Variants in C1orf50 observed in about 807,000 individuals in gnomAD.
The protein encoded by C1orf50 is uncharacterized protein C1orf50.
Under a neutral mutation model 23.3 loss-of-function variants are expected in C1orf50, and 22 were observed. The observed-to-expected ratio is 0.94, with a 90% CI of 0.67 to 1.35. The LOEUF (loss-of-function observed/expected upper bound fraction) is 1.35. Ranked by LOEUF, C1orf50 falls within the 40% of genes most tolerant of loss-of-function variation. The pLI is 0.00. For synonymous variants in C1orf50, 96 were observed against 102.4 expected (o/e 0.94, Z 0.38); for missense variants, 271 against 249.4 (o/e 1.09, Z -0.58).
At position 42,775,773 on chromosome 1, in the gene C1orf50, T is replaced by TATA. The variant is rs1653326623; in HGVS notation, c.*380_*382dup. 1 of 146,658 alleles carries TATA rather than the reference T, an allele frequency of 6.8e-6. No individual in the cohort carries two copies. Among genetic ancestry groups the TATA allele is most frequent in the South Asian group, 2.2e-4 (1 of 4,612 alleles). 9.1% of individuals were successfully genotyped at this position (146,658 alleles called of 1,614,324 possible). A position where few individuals can be genotyped will look rare whatever the true frequency, so the allele number is the denominator to read the frequency against. ...CTGTTTTCAGTCTTTTATATATATA[T>TATA]ATATATATATATAACTGGTAGTATT... On this transcript the variant is annotated 3_prime_UTR_variant, in exon 5 of 5. Coordinates refer to ENST00000372525, the MANE Select transcript of C1orf50 (RefSeq NM_024097.4).
intron 2 of C1orf50, among the ~76,000 whole-genome samples, chr1:42,770,391 C>T (rs1653190291): frequency 1.3e-5 from 2 of 151,850 alleles, no homozygotes; most frequent in South Asian, 2.1e-4. Flanking sequence ...TCTAGAAATA[C>T]CTACTCTCTC....
intron 2 of C1orf50, among the ~76,000 whole-genome samples, chr1:42,772,546 C>T (rs1300278082): frequency 1.3e-5 from 2 of 152,014 alleles, no homozygotes; most frequent in Admixed American, 6.6e-5. Flanking sequence ...TTTGGGAGGC[C>T]GAGGTGGGCG....
intron 2 of C1orf50, among the ~76,000 whole-genome samples, chr1:42,772,408 A>G (rs553338153): frequency 3.3e-5 from 5 of 152,152 alleles, no homozygotes; most frequent in Non-Finnish European, 5.9e-5. Flanking sequence ...ACAGAATTCT[A>G]TTGCCTGAGT....
intron 2 of C1orf50, among the ~76,000 whole-genome samples, chr1:42,770,659 CG>C (rs1270481299): frequency 2.6e-5 from 4 of 152,092 alleles, no homozygotes; most frequent in Non-Finnish European, 5.9e-5. Context: ...CTCAAACGCC[CG>C]ACCTCAGGTG....
In C1orf50 at chr1:42,775,326, A is replaced by G. The variant is rs1653312995; in HGVS notation, c.532A>G (p.Thr178Ala). ...AGATGCTAAAATCAGCATGATGGAC[A>G]CGTTGCTAAGCCAGTCAGTGGCCCT... The part of the protein sequence containing the change: ...KQDAKISMMD[T>A]LLSQSVALPP... The change falls in exon 5 of 5, where the codon ACG becomes GCG. Residue 178 changes from threonine (T) to alanine (A), a missense_variant. Transcript: ENST00000372525. 3.1e-6 allele frequency: 5 copies of G among 1,612,958 alleles called. No individual in the cohort carries two copies. In the Admixed American group the frequency reaches 5.0e-5, roughly 16 times the overall value.
At chr1:42,767,458 G>T in intron 1 of C1orf50, 51 bp from the exon 2 acceptor site, 1 of 1,554,732 alleles carries the variant, frequency 6.4e-7, no homozygotes, top group Non-Finnish European at 8.7e-7. Flanking sequence ...GGGCTCCGCG[G>T]GAGGCCGACG....
Position 42,776,686 on chromosome 1 carries a change from G to A in C1orf50, c.*1292G>A, listed in dbSNP as rs1377234226. On this transcript the variant is annotated 3_prime_UTR_variant, in exon 5 of 5. Transcript: ENST00000372525. The stretch of plus-strand genomic sequence containing the variant: ...CACTCCGATGATACTTGGTTGCTCG[G>A]TTCACATGGGAATGCTCTTTGGACT... The A allele has an allele frequency of 1.3e-5, 2 of 152,236 alleles. No homozygotes were observed. Among genetic ancestry groups the A allele is most frequent in the Non-Finnish European group, 2.9e-5 (2 of 68,076 alleles). The allele number at this position is 152,236 out of a possible 1,614,324, so 9.4% of individuals were successfully genotyped here. A position where few individuals can be genotyped will look rare whatever the true frequency, so the allele number is the denominator to read the frequency against.
At chr1:42,773,028 C>G (rs965621138) in intron 2 of C1orf50, among the ~76,000 whole-genome samples, 2 of 152,094 alleles carry the variant, frequency 1.3e-5, no homozygotes, top group Admixed American at 1.3e-4. Context: ...CAGAAAAACC[C>G]GAATACTTTC....
At chr1:42,773,856 C>T (rs190192198) in intron 3 of C1orf50, among the ~76,000 whole-genome samples, 2 of 152,274 alleles carry the variant, frequency 1.3e-5, no homozygotes, top group African/African-American at 2.4e-5. Flanking sequence ...GAGGTTTGCT[C>T]TTGTTGCCCA....
At chr1:42,770,513 A>C (rs1297894875) in intron 2 of C1orf50, among the ~76,000 whole-genome samples, 1 of 151,762 alleles carries the variant, frequency 6.6e-6, no homozygotes. Context: ...GCTCACAGCA[A>C]CCTCTGCCTA....
At position 42,775,264 on chromosome 1, in the gene C1orf50, A is replaced by G; in HGVS notation, c.470A>G (p.Asp157Gly). Residue 157 changes from aspartate to glycine, a missense_variant, in exon 5 of 5, where the codon GAC becomes GGC. By Grantham distance (94) the Asp-to-Gly change is moderately conservative. Transcript: ENST00000372525. ...DFLGAYKLQHDLSWTPYEDIE... is the reference protein window; with the variant it reads ...DFLGAYKLQHGLSWTPYEDIE... The stretch of plus-strand genomic sequence containing the variant: ...CTTGGTGCCTACAAACTACAGCATG[A>G]CTTGTCCTGGACTCCGTATGAGGAC... 6.2e-7 allele frequency: 1 copy of G among 1,610,658 alleles called. No individual in the cohort carries two copies. The highest frequency in any genetic ancestry group is 8.5e-7 in the Non-Finnish European group (1 of 1,177,094).
chr1:42,779,221 C>T lies in C1orf50; in HGVS notation c.*3827C>T, dbSNP rs1653401094. The T allele has an allele frequency of 6.6e-6, 1 of 151,478 alleles. No homozygotes were observed. Among genetic ancestry groups the T allele is most frequent in the Non-Finnish European group, 1.5e-5 (1 of 67,866 alleles). 9.4% of individuals were successfully genotyped at this position (151,478 alleles called of 1,614,324 possible). On this transcript the variant is annotated 3_prime_UTR_variant, in exon 5 of 5. Transcript: ENST00000372525. ...TGAAATCCTGTCTCTACTAAAAATACAAAAAATTAGCCGGGCGTGGTGGCG... is the reference window on the plus strand; with the variant it reads ...TGAAATCCTGTCTCTACTAAAAATATAAAAAATTAGCCGGGCGTGGTGGCG...
At chr1:42,773,386 A>C in intron 2 of C1orf50, 177 bp from the exon 3 acceptor site, 1 of 492,484 alleles carries the variant, frequency 2.0e-6, no homozygotes, top group South Asian at 2.2e-5. Flanking sequence ...TGGCCTTCTC[A>C]TGACAGTGCT....
rs1653376576 is a variant in C1orf50, at chr1:42,778,221, TA to T, written c.*2829del. The T allele has an allele frequency of 6.6e-6, 1 of 152,196 alleles. No individual in the cohort carries two copies. Among genetic ancestry groups the T allele is most frequent in the African/African-American group, 2.4e-5 (1 of 41,450 alleles). The allele number at this position is 152,196 out of a possible 1,614,324, so 9.4% of individuals were successfully genotyped here. A position where few individuals can be genotyped will look rare whatever the true frequency, so the allele number is the denominator to read the frequency against. ...GTTCACCTGATAATTTCATTAGTGTTAAGTGCCTTCTAGGTTCCAGGTTCTG... is the reference window on the plus strand; with the variant it reads ...GTTCACCTGATAATTTCATTAGTGTTAGTGCCTTCTAGGTTCCAGGTTCTG... On this transcript the variant is annotated 3_prime_UTR_variant, in exon 5 of 5. Coordinates refer to ENST00000372525, the MANE Select transcript of C1orf50 (RefSeq NM_024097.4).
rs1653397687 is a variant in C1orf50 at position 42,779,134 on chromosome 1, T to C, written c.*3740T>C. On this transcript the variant is annotated 3_prime_UTR_variant, in exon 5 of 5. Coordinates refer to ENST00000372525, the MANE Select transcript of C1orf50 (RefSeq NM_024097.4). Reference sequence around the variant, plus strand: ...GGCTCACGCCTGTAATCCCAGCACTTTGGGCGGCTGAGGCGGGCGGATCAC... The same window carrying C: ...GGCTCACGCCTGTAATCCCAGCACTCTGGGCGGCTGAGGCGGGCGGATCAC... 1 of 152,084 alleles carries C rather than the reference T, an allele frequency of 6.6e-6. No homozygotes were observed. Among genetic ancestry groups the C allele is most frequent in the African/African-American group, 2.4e-5 (1 of 41,408 alleles). The allele number at this position is 152,084 out of a possible 1,614,324, so 9.4% of individuals were successfully genotyped here. A position where few individuals can be genotyped will look rare whatever the true frequency, so the allele number is the denominator to read the frequency against.
At position 42,773,617 on chromosome 1, in the gene C1orf50, C is replaced by T; in HGVS notation, c.250C>T (p.Gln84Ter). The change falls in exon 3 of 5, where the codon CAA becomes TAA. Residue 84 changes from glutamine (Q) to a stop codon, truncating the protein, a stop_gained. Coordinates refer to ENST00000372525, the MANE Select transcript of C1orf50 (RefSeq NM_024097.4). LOFTEE classifies it high-confidence loss of function. ...ATNKLTVIAEQIQHLQEQARK... is the reference protein window; with the variant it reads ...ATNKLTVIAE ...CAACAAGCTGACAGTCATAGCTGAG[C>T]AAATCCAACATTTGCAAGAACAAGC... is the stretch of plus-strand genomic sequence containing the variant. 1.2e-6 allele frequency: 2 copies of T among 1,612,674 alleles called. No individual in the cohort carries two copies. The highest frequency in any genetic ancestry group is 3.3e-4 in the Middle Eastern group (2 of 6,054).
Position 42,767,604 on chromosome 1 carries a change from C to T in C1orf50, c.175C>T (p.Leu59Phe), listed in dbSNP as rs569273514. The T allele has an allele frequency of 6.2e-7, 1 of 1,611,840 alleles. No individual in the cohort carries two copies. The highest frequency in any genetic ancestry group is 2.2e-5 in the East Asian group (1 of 44,850). Residue 59 changes from leucine (L) to phenylalanine (F), a missense_variant, in exon 2 of 5, where the codon CTC (leucine) becomes TTC (phenylalanine). Physicochemically the swap from Leu to Phe is conservative, Grantham distance 22. Transcript: ENST00000372525. Reference protein sequence around the residue: ...RAGDPLDLVALAEQVQKADEF... With the variant: ...RAGDPLDLVAFAEQVQKADEF... ...CGGGGACCCCTTAGACCTCGTGGCG[C>T]TCGCAGAGCAGGTGCAGAAGGTGAG...
intron 4 of C1orf50, 119 bp downstream of exon 4, chr1:42,774,987 G>T: frequency 7.8e-7 from 1 of 1,281,164 alleles, no homozygotes; most frequent in Non-Finnish European, 1.1e-6. Context: ...TGGGGGTGAT[G>T]TGAGCCCAGA....
chr1:42,773,991 T>C (rs112391209), intron 3 of C1orf50, among the ~76,000 whole-genome samples: 1 of 151,960 alleles, frequency 6.6e-6, no homozygotes, highest in African/African-American at 2.4e-5. Flanking sequence ...CCCTGCTAAC[T>C]TTTGTATTTT....
Sources: allele counts gnomAD v4.1 joint callset (sites outside exome capture counted in the v4.1 genomes callset), GRCh38; gene constraint gnomAD v4.1.1; transcripts MANE v1.5; gene names NCBI Gene and HGNC (gene_info 2026-07-23, HGNC 2026-07-21).